PPP1R12A: variants seen among roughly 807,000 people sequenced by gnomAD.
PPP1R12A encodes the protein myosin binding subunit.
A neutral mutation model predicts 139.6 loss-of-function variants in PPP1R12A; 19 were observed. The ratio of observed to expected loss-of-function variants is 0.14; its 90% confidence interval spans 0.09 to 0.20. The LOEUF is 0.20. Among genes scored for constraint, PPP1R12A ranks in the 10% least tolerant of loss-of-function variants. PPP1R12A has a pLI of 1.00. For missense variants in PPP1R12A, 925 were observed against 1,211.5 expected (o/e 0.76, Z 3.51); for synonymous variants, 427 against 420.6 (o/e 1.02, Z -0.19).
At chr12:79,878,379 G>A (rs979175153) in intron 1 of PPP1R12A, 1 of 152,018 alleles carries the variant, frequency 6.6e-6, no homozygotes, top group African/African-American at 2.4e-5. Context: ...TAGCTTCCTA[G>A]ATTAGATGAG....
intron 19 of PPP1R12A, among the ~76,000 whole-genome samples, chr12:79,792,384 C>A (rs932051159): frequency 2.0e-5 from 3 of 152,128 alleles, no homozygotes; most frequent in Non-Finnish European, 2.9e-5. Context: ...GAGGATGAAG[C>A]TGACACAAAG....
In PPP1R12A at chr12:79,833,830, T is replaced by C. The variant is rs114429803; in HGVS notation, c.488-1339A>G. On this transcript the variant is annotated intron_variant, in intron 3 of 24. Coordinates refer to ENST00000450142, the MANE Select transcript of PPP1R12A (RefSeq NM_002480.3). Reference sequence around the variant, plus strand: ...CCAGCCTGGGCAACGGAGTGAGACTTTGCCTCAAAGAAAAGGAAAAAAAAA... The same window carrying C: ...CCAGCCTGGGCAACGGAGTGAGACTCTGCCTCAAAGAAAAGGAAAAAAAAA... Among the ~76,000 whole-genome samples the C allele has an allele frequency of 5.4e-3, 745 of 138,002 alleles. 7 individuals carry two copies. Among genetic ancestry groups the C allele is most frequent in the African/African-American group, 0.017 (655 of 37,862 alleles). The allele number at this position is 138,002 out of a possible 152,430, so 90.5% of individuals were successfully genotyped here.
At chr12:79,794,040 T>C (rs1391082223) in intron 18 of PPP1R12A, 112 bp from the exon 19 acceptor site, 6 of 722,526 alleles carry the variant, frequency 8.3e-6, no homozygotes, top group African/African-American at 3.7e-5. Flanking sequence ...CATTGAGACA[T>C]TTGTAGATAG....
At chr12:79,808,947 A>G (rs537437112) in intron 10 of PPP1R12A, among the ~76,000 whole-genome samples, 1 of 152,276 alleles carries the variant, frequency 6.6e-6, no homozygotes, top group South Asian at 2.1e-4. Context: ...GGTCTCAAGC[A>G]TTTATATTAT....
intron 1 of PPP1R12A, among the ~76,000 whole-genome samples, chr12:79,876,692 A>G (rs1280480486): frequency 6.6e-6 from 1 of 152,220 alleles, no homozygotes; most frequent in Non-Finnish European, 1.5e-5. Flanking sequence ...TGCTTTTAGC[A>G]GCATTTCCCT....
At chr12:79,883,378 C>CT (rs1883825711) in intron 1 of PPP1R12A, among the ~76,000 whole-genome samples, 1 of 151,978 alleles carries the variant, frequency 6.6e-6, no homozygotes, top group Non-Finnish European at 1.5e-5. Flanking sequence ...GTGTGACTCA[C>CT]TTTTTTGTGG....
intron 5 of PPP1R12A, among the ~76,000 whole-genome samples, chr12:79,826,486 A>G (rs1049331552): frequency 8.6e-5 from 13 of 152,000 alleles, no homozygotes; most frequent in Admixed American, 2.0e-4. Flanking sequence ...TTACAGGTGC[A>G]TACCACAAAG....
Position 79,818,227 on chromosome 12 carries a change from C to CCCATGTACCA in PPP1R12A, c.1115-719_1115-710dup, listed in dbSNP as rs1180388631. 3.3e-5 allele frequency among the ~76,000 whole-genome samples: 5 copies of CCCATGTACCA among 152,122 alleles called. No individual in the cohort carries two copies. In the East Asian group the frequency reaches 9.6e-4, roughly 29 times the overall value. ...GATATAAATAACAAATAAGATAAAC[C>CCCATGTACCA]CCATGTACCACCATCCAACTTATTT... On this transcript the variant is annotated intron_variant, in intron 8 of 24. Coordinates refer to ENST00000450142, the MANE Select transcript of PPP1R12A (RefSeq NM_002480.3).
At chr12:79,915,239 T>TA (rs749727713) in intron 1 of PPP1R12A, among the ~76,000 whole-genome samples, 12 of 152,134 alleles carry the variant, frequency 7.9e-5, no homozygotes, top group Non-Finnish European at 1.6e-4. Flanking sequence ...TGTGCTTGCT[T>TA]ATGTGTGAGA....
In PPP1R12A at chr12:79,903,089, A is replaced by C. The variant is rs564450674; in HGVS notation, c.238-30151T>G. On this transcript the variant is annotated intron_variant, in intron 1 of 24. Coordinates refer to ENST00000450142, the MANE Select transcript of PPP1R12A (RefSeq NM_002480.3). The stretch of plus-strand genomic sequence containing the variant: ...ACTACACACTGTCCACGAGTGACTG[A>C]AATAGCGACACCTTTGCTTTCTGAT... 3.9e-5 allele frequency among the ~76,000 whole-genome samples: 6 copies of C among 152,310 alleles called. No individual in the cohort carries two copies. In the South Asian group the frequency reaches 8.3e-4, roughly 21 times the overall value.
chr12:79,905,524 A>G (rs1318482524), intron 1 of PPP1R12A, among the ~76,000 whole-genome samples: 1 of 152,154 alleles, frequency 6.6e-6, no homozygotes, highest in East Asian at 1.9e-4. Flanking sequence ...ACACAGAACC[A>G]GTGTTCTTTT....
chr12:79,915,012 T>C (rs1162810884), intron 1 of PPP1R12A, among the ~76,000 whole-genome samples: 2 of 152,120 alleles, frequency 1.3e-5, no homozygotes, highest in Admixed American at 6.5e-5. Flanking sequence ...TCCAATGGGC[T>C]TTTCTTACTT....
intron 14 of PPP1R12A, among the ~76,000 whole-genome samples, chr12:79,801,385 A>AAAAAAAAG (rs1873156210): frequency 8.7e-6 from 1 of 114,922 alleles, no homozygotes; most frequent in African/African-American, 3.9e-5. Flanking sequence ...AAAAAAAAAA[A>AAAAAAAAG]GCCTCTTTCT....
chr12:79,903,086 C>G (rs1885790450), intron 1 of PPP1R12A, among the ~76,000 whole-genome samples: 1 of 152,132 alleles, frequency 6.6e-6, no homozygotes, highest in South Asian at 2.1e-4. Context: ...CCACGAGTGA[C>G]TGAAATAGCG....
In PPP1R12A at chr12:79,886,940, A is replaced by G. The variant is rs80042195; in HGVS notation, c.238-14002T>C. ...TAGATTTTTAGAAGCCAACACTTTT[A>G]TTTGGGGACTTAGTAAGGGCACAGA... On this transcript the variant is annotated intron_variant, in intron 1 of 24. Coordinates refer to ENST00000450142, the MANE Select transcript of PPP1R12A (RefSeq NM_002480.3). 5.4e-3 allele frequency among the ~76,000 whole-genome samples: 819 copies of G among 152,236 alleles called. 5 individuals carry two copies. The highest frequency in any genetic ancestry group is 0.019 in the African/African-American group (778 of 41,544).
chr12:79,858,212 C>T (rs1592724205), intron 2 of PPP1R12A, among the ~76,000 whole-genome samples: 1 of 152,176 alleles, frequency 6.6e-6, no homozygotes, highest in Admixed American at 6.5e-5. Flanking sequence ...TTCTCCTCTG[C>T]TCCTCTCTTC....
rs1281319305 is a variant in PPP1R12A, at chr12:79,775,788, A to T, written c.*141T>A. 3 of 474,690 alleles carry T rather than the reference A, an allele frequency of 6.3e-6. No homozygotes were observed. Among genetic ancestry groups the T allele is most frequent in the African/African-American group, 2.0e-5 (1 of 49,822 alleles). The allele number at this position is 474,690 out of a possible 1,614,324, so 29.4% of individuals were successfully genotyped here. A position where few individuals can be genotyped will look rare whatever the true frequency, so the allele number is the denominator to read the frequency against. On this transcript the variant is annotated 3_prime_UTR_variant, in exon 25 of 25. Coordinates refer to ENST00000450142, the MANE Select transcript of PPP1R12A (RefSeq NM_002480.3). ...AGAAAATTAAACAAAATGAAACAAA[A>T]ATTCTAGATAAGAGGGCATTTGGCA... is the stretch of plus-strand genomic sequence containing the variant.
chr12:79,792,248 A>G (rs1169435995), intron 19 of PPP1R12A, among the ~76,000 whole-genome samples: 1 of 152,128 alleles, frequency 6.6e-6, no homozygotes, highest in African/African-American at 2.4e-5. Context: ...ATGGTATAGC[A>G]GTTACTAGGT....
chr12:79,810,062 C>A, intron 9 of PPP1R12A, 52 bp from the exon 10 acceptor site: 1 of 1,359,004 alleles, frequency 7.4e-7, no homozygotes, highest in Non-Finnish European at 1.0e-6. Flanking sequence ...TAAAGCTGAT[C>A]AGTCCTTAAA....
Sources: gnomAD v4.1 joint callset for allele counts (sites outside exome capture counted in the v4.1 genomes callset) on GRCh38, gnomAD v4.1.1 for gene constraint, MANE v1.5 for transcripts, NCBI Gene and HGNC (gene_info 2026-07-23, HGNC 2026-07-21) for gene names.